Variants in USP6NL observed in about 807,000 individuals in gnomAD.
The protein encoded by USP6NL is USP6 N-terminal-like protein.
In USP6NL, 26 loss-of-function variants were observed where a neutral mutation model predicts 61.9. The observed-to-expected ratio is 0.42, with a 90% CI of 0.31 to 0.58. USP6NL has a LOEUF of 0.58. Among genes scored for constraint, USP6NL ranks in the 20% least tolerant of loss-of-function variants. The probability of loss-of-function intolerance (pLI) is 0.16; values close to 1 mark genes in which losing one functional copy is unlikely to be tolerated. For synonymous variants in USP6NL, 432 were observed against 390.1 expected, an observed-to-expected ratio of 1.11 and a Z score of -1.27; for missense variants, 1,114 against 1,034.3, an observed-to-expected ratio of 1.08 and a Z score of -1.06.
In USP6NL at chr10:11,611,407, G is replaced by C. The variant is rs1838893330; in HGVS notation, c.-84+36C>G. The C allele has an allele frequency of 6.6e-6, 1 of 152,138 alleles. No individual in the cohort carries two copies. Among genetic ancestry groups the C allele is most frequent in the Non-Finnish European group, 1.5e-5 (1 of 68,076 alleles). 9.4% of individuals were successfully genotyped at this position (152,138 alleles called of 1,614,324 possible). ...GACGCCCGCGGAGCCCGCCGCCGCC[G>C]GCCCCTCACGGCGGGAGCTGAGGAA... On this transcript the variant is annotated intron_variant, in intron 1 of 14. Transcript: ENST00000609104. This position sits in a 1 kb window ranked among gnomAD's most constrained non-coding sequence, Gnocchi z 5.3.
At chr10:11,502,258 CAA>C (rs58597235) in intron 6 of USP6NL, among the ~76,000 whole-genome samples, 34 of 96,876 alleles carry the variant, frequency 3.5e-4, no homozygotes, top group Non-Finnish European at 2.7e-4. Flanking sequence ...GACTCCATCT[CAA>C]AAAAAAAAAA....
intron 14 of USP6NL, among the ~76,000 whole-genome samples, chr10:11,467,173 C>T (rs1832503030): frequency 6.6e-6 from 1 of 151,994 alleles, no homozygotes; most frequent in Admixed American, 6.6e-5. Flanking sequence ...TGAGTAAGAA[C>T]AAAAATGGAG....
At chr10:11,604,056 C>T (rs1173418956) in intron 1 of USP6NL, among the ~76,000 whole-genome samples, 2 of 152,188 alleles carry the variant, frequency 1.3e-5, no homozygotes, top group African/African-American at 2.4e-5. Context: ...CTTCACTTCC[C>T]TGACCCTCAG....
chr10:11,577,927 A>G (rs1837611970), intron 2 of USP6NL, among the ~76,000 whole-genome samples: 2 of 151,898 alleles, frequency 1.3e-5, no homozygotes, highest in African/African-American at 4.8e-5. Flanking sequence ...TACCTAATAA[A>G]AGAAAAAAAA....
rs895135616 is a variant in USP6NL at position 11,513,799 on chromosome 10, T to C, written c.196-4124A>G. Among the ~76,000 whole-genome samples the C allele has an allele frequency of 6.6e-6, 1 of 152,176 alleles. No homozygotes were observed. The highest frequency in any genetic ancestry group is 2.4e-5 in the African/African-American group (1 of 41,436). ...CCACTTGCCCCAAGACTGTTCTTTA[T>C]AGCTGGTTTTTTCTGTGGTGTGGGC... On this transcript the variant is annotated intron_variant, in intron 5 of 14. Coordinates refer to ENST00000609104, the MANE Select transcript of USP6NL (RefSeq NM_014688.5). The surrounding 1 kb of genome is among the most constrained non-coding windows in gnomAD (Gnocchi z 4.7).
chr10:11,525,518 T>C lies in USP6NL; in HGVS notation c.73-50A>G. 1 of 1,439,784 alleles carries C rather than the reference T, an allele frequency of 6.9e-7. No homozygotes were observed. Among genetic ancestry groups the C allele is most frequent in the Non-Finnish European group, 9.3e-7 (1 of 1,073,968 alleles). The allele number at this position is 1,439,784 out of a possible 1,614,324, so 89.2% of individuals were successfully genotyped here. A position where few individuals can be genotyped will look rare whatever the true frequency, so the allele number is the denominator to read the frequency against. Reference sequence around the variant, plus strand: ...GTTAATCAGAGTTTATAAAACTGAATAATTTTTTAAAATAAAAGGACGAAG... The same window carrying C: ...GTTAATCAGAGTTTATAAAACTGAACAATTTTTTAAAATAAAAGGACGAAG... On this transcript the variant is annotated intron_variant, in intron 3 of 14. Transcript: ENST00000609104. The surrounding 1 kb of genome is among the most constrained non-coding windows in gnomAD (Gnocchi z 5.0).
intron 7 of USP6NL, among the ~76,000 whole-genome samples, chr10:11,500,159 G>A (rs1038875174): frequency 5.3e-5 from 8 of 152,074 alleles, no homozygotes; most frequent in East Asian, 1.9e-4. Flanking sequence ...ACATAGTGGG[G>A]CCTGTCAGCA....
intron 2 of USP6NL, among the ~76,000 whole-genome samples, chr10:11,570,823 A>G (rs956159669): frequency 1.3e-5 from 2 of 152,156 alleles, no homozygotes; most frequent in Non-Finnish European, 2.9e-5. Context: ...CAGGCTAATG[A>G]GGACATTTGA....
intron 2 of USP6NL, chr10:11,573,379 T>A (rs1837429719): frequency 5.6e-6 from 2 of 356,348 alleles, no homozygotes; most frequent in East Asian, 4.1e-5. Context: ...CTCCCCTTAC[T>A]CTGTACCTCT....
rs747330793 is a variant in USP6NL, at chr10:11,478,985, T to G, written c.1078+2785A>C. Among the ~76,000 whole-genome samples, 1 of 151,968 alleles carries G rather than the reference T, an allele frequency of 6.6e-6. No individual in the cohort carries two copies. The highest frequency in any genetic ancestry group is 1.5e-5 in the Non-Finnish European group (1 of 67,974). On this transcript the variant is annotated intron_variant, in intron 14 of 14. Coordinates refer to ENST00000609104, the MANE Select transcript of USP6NL (RefSeq NM_014688.5). The surrounding 1 kb of genome is among the most constrained non-coding windows in gnomAD (Gnocchi z 6.8). Reference sequence around the variant, plus strand: ...CAAAATGTAATGTAATAAATGCCACTAATCCACATGACTAATGGTTTGGAA... The same window carrying G: ...CAAAATGTAATGTAATAAATGCCACGAATCCACATGACTAATGGTTTGGAA...
chr10:11,562,852 T>C lies in USP6NL; in HGVS notation c.4+34779A>G. On this transcript the variant is annotated intron_variant, in intron 2 of 14. Transcript: ENST00000609104. The surrounding 1 kb of genome is among the most constrained non-coding windows in gnomAD (Gnocchi z 4.8). ...AAGAATAATAGTAAGGGTCTTTTGG[T>C]AGTTTCTTGAAAAAGTAGACATCCA... The C allele has an allele frequency of 1.1e-6, 1 of 911,478 alleles. No homozygotes were observed. The highest frequency in any genetic ancestry group is 1.3e-6 in the Non-Finnish European group (1 of 762,604). The allele number at this position is 911,478 out of a possible 1,614,324, so 56.5% of individuals were successfully genotyped here. A position where few individuals can be genotyped will look rare whatever the true frequency, so the allele number is the denominator to read the frequency against.
chr10:11,585,492 G>T lies in USP6NL; in HGVS notation c.4+12139C>A, dbSNP rs1279419924. ...CCTGGCTAACACAGTGAAACCCCGT[G>T]TCTACTAAAAATACAAAAAATTAGC... On this transcript the variant is annotated intron_variant, in intron 2 of 14. Coordinates refer to ENST00000609104, the MANE Select transcript of USP6NL (RefSeq NM_014688.5). This position sits in a 1 kb window ranked among gnomAD's most constrained non-coding sequence, Gnocchi z 4.5. Among the ~76,000 whole-genome samples, 1 of 151,840 alleles carries T rather than the reference G, an allele frequency of 6.6e-6. No individual in the cohort carries two copies. The highest frequency in any genetic ancestry group is 2.4e-5 in the African/African-American group (1 of 41,332).
At position 11,462,270 on chromosome 10, in the gene USP6NL, AAGCAGCATCT is replaced by A; in HGVS notation, c.*161_*170del. ...ATGATGCAATTGAAACGCTCATCTTAAGCAGCATCTACGTGGGGCTGAAGACATTTCCCTG... is the reference window on the plus strand; with the variant it reads ...ATGATGCAATTGAAACGCTCATCTTAACGTGGGGCTGAAGACATTTCCCTG... On this transcript the variant is annotated 3_prime_UTR_variant, in exon 15 of 15. Coordinates refer to ENST00000609104, the MANE Select transcript of USP6NL (RefSeq NM_014688.5). 1.3e-6 allele frequency: 1 copy of A among 775,186 alleles called. No individual in the cohort carries two copies. The highest frequency in any genetic ancestry group is 2.0e-5 in the South Asian group (1 of 49,982). 48.0% of individuals were successfully genotyped at this position (775,186 alleles called of 1,614,324 possible). A position where few individuals can be genotyped will look rare whatever the true frequency, so the allele number is the denominator to read the frequency against.
At chr10:11,472,262 A>T (rs1832782378) in intron 14 of USP6NL, among the ~76,000 whole-genome samples, 2 of 152,254 alleles carry the variant, frequency 1.3e-5, no homozygotes, top group Non-Finnish European at 2.9e-5. Context: ...CAGTCCCTAA[A>T]AAGCAAGGAA....
intron 2 of USP6NL, among the ~76,000 whole-genome samples, chr10:11,583,227 C>T (rs548493600): frequency 2.8e-5 from 4 of 143,008 alleles, no homozygotes; most frequent in African/African-American, 5.2e-5. Flanking sequence ...CTCGCTCTGT[C>T]GCCCAGGCTG....
chr10:11,577,962 T>A (rs1009932769), intron 2 of USP6NL, among the ~76,000 whole-genome samples: 4 of 151,926 alleles, frequency 2.6e-5, no homozygotes, highest in Non-Finnish European at 5.9e-5. Context: ...ATTATACAGG[T>A]GATGTTATTT....
At chr10:11,560,852 T>C (rs921516690) in intron 2 of USP6NL, among the ~76,000 whole-genome samples, 2 of 151,618 alleles carry the variant, frequency 1.3e-5, no homozygotes. Context: ...TAAAACCAGG[T>C]TGATGGTTGC....
intron 2 of USP6NL, among the ~76,000 whole-genome samples, chr10:11,584,054 T>C (rs1376522023): frequency 6.7e-6 from 1 of 150,204 alleles, no homozygotes; most frequent in Non-Finnish European, 1.5e-5. Context: ...AAAAAAGGCA[T>C]TTAACACAAA....
chr10:11,558,224 C>A (rs1249990528), intron 2 of USP6NL, among the ~76,000 whole-genome samples: 1 of 152,198 alleles, frequency 6.6e-6, no homozygotes, highest in Admixed American at 6.5e-5. Flanking sequence ...TGTCCCCCAA[C>A]TAAATGCCAC....
Sources: allele counts gnomAD v4.1 joint callset (sites outside exome capture counted in the v4.1 genomes callset), GRCh38; gene constraint gnomAD v4.1.1; non-coding constraint Gnocchi (gnomAD v3.1); transcripts MANE v1.5; gene names NCBI Gene and HGNC (gene_info 2026-07-23, HGNC 2026-07-21).